Variants in ITGA9 observed in about 807,000 individuals in gnomAD.
ITGA9 encodes integrin alpha-9.
In ITGA9, 56 loss-of-function variants were observed where a neutral mutation model predicts 127.8. The ratio of observed to expected loss-of-function variants is 0.44; its 90% confidence interval spans 0.35 to 0.55. The LOEUF (loss-of-function observed/expected upper bound fraction) is 0.55, where lower values mean the gene tolerates loss of function less well. Ranked by LOEUF, ITGA9 falls within the 20% of genes least tolerant of loss-of-function variation. The pLI is 0.00. For synonymous variants in ITGA9, 508 were observed against 514.5 expected (o/e 0.99, Z 0.17); for missense variants, 1,196 against 1,347.1 (o/e 0.89, Z 1.76).
chr3:37,657,750 G>A (rs767572587), intron 17 of ITGA9, among the ~76,000 whole-genome samples: 1 of 150,540 alleles, frequency 6.6e-6, no homozygotes, highest in Non-Finnish European at 1.5e-5. Context: ...GAATTTGTTT[G>A]CTCTTACTTC....
chr3:37,585,286 T>G (rs1044481387), intron 15 of ITGA9, among the ~76,000 whole-genome samples: 1 of 152,140 alleles, frequency 6.6e-6, no homozygotes, highest in Non-Finnish European at 1.5e-5. Context: ...GCTCAATAAG[T>G]GCATGGTTGA....
chr3:37,513,961 C>G, intron 9 of ITGA9, 61 bp downstream of exon 9: 1 of 1,604,074 alleles, frequency 6.2e-7, no homozygotes, highest in Non-Finnish European at 8.5e-7. Context: ...GTCCAGCCAG[C>G]AGTGGCCGAG....
intron 13 of ITGA9, among the ~76,000 whole-genome samples, chr3:37,531,818 T>C (rs1375418170): frequency 6.6e-6 from 1 of 152,226 alleles, no homozygotes; most frequent in Non-Finnish European, 1.5e-5. Context: ...TGCAGGGTGC[T>C]GCAGGATGGT....
chr3:37,818,191 TAAAAAAAAAAAA>T (rs748381488), intron 27 of ITGA9: 7 of 31,970 alleles, frequency 2.2e-4, no homozygotes, highest in Non-Finnish European at 4.5e-4. Flanking sequence ...TAAGACTCTC[TAAAAAAAAAAAA>T]AAAAAAAAAA....
chr3:37,495,389 T>C (rs1309118797), intron 5 of ITGA9, among the ~76,000 whole-genome samples: 1 of 152,238 alleles, frequency 6.6e-6, no homozygotes, highest in Non-Finnish European at 1.5e-5. Context: ...ACTGTTTTCT[T>C]GTGTCATTCT....
chr3:37,657,787 G>C (rs781577972), intron 17 of ITGA9, among the ~76,000 whole-genome samples: 3 of 151,704 alleles, frequency 2.0e-5, no homozygotes. Context: ...ATGAAGTTAG[G>C]GTGTCAATTT....
intron 18 of ITGA9, among the ~76,000 whole-genome samples, chr3:37,712,840 G>A (rs553459002): frequency 6.6e-6 from 1 of 152,310 alleles, no homozygotes; most frequent in African/African-American, 2.4e-5. Flanking sequence ...GGTGGAGTGG[G>A]GAGGGGATGG....
intron 23 of ITGA9, among the ~76,000 whole-genome samples, chr3:37,764,096 A>G (rs1432960902): frequency 6.6e-6 from 1 of 152,124 alleles, no homozygotes; most frequent in Non-Finnish European, 1.5e-5. Flanking sequence ...ACTATCCACA[A>G]TTCTCCATGC....
At chr3:37,677,874 T>C (rs978777776) in intron 17 of ITGA9, among the ~76,000 whole-genome samples, 5 of 152,260 alleles carry the variant, frequency 3.3e-5, no homozygotes, top group African/African-American at 7.2e-5. Flanking sequence ...ATTTGCATCA[T>C]TGATTTTATG....
chr3:37,454,759 C>T (rs892908818), intron 1 of ITGA9, among the ~76,000 whole-genome samples: 1 of 152,078 alleles, frequency 6.6e-6, no homozygotes, highest in South Asian at 2.1e-4. Flanking sequence ...TGTTCTCATG[C>T]TGTTGTTTTC....
intron 20 of ITGA9, among the ~76,000 whole-genome samples, chr3:37,738,134 T>C (rs1186111789): frequency 6.6e-6 from 1 of 152,262 alleles, no homozygotes; most frequent in East Asian, 1.9e-4. Context: ...ACTTGGTTAT[T>C]TTCTATTGAC....
chr3:37,517,427 G>T, intron 9 of ITGA9, 77 bp from the exon 10 acceptor site: 1 of 1,187,846 alleles, frequency 8.4e-7, no homozygotes. Flanking sequence ...TCAAACTCTG[G>T]TTTTTTATTG....
At chr3:37,546,222 ATTGT>A (rs1699325154) in intron 15 of ITGA9, among the ~76,000 whole-genome samples, 1 of 152,170 alleles carries the variant, frequency 6.6e-6, no homozygotes, top group African/African-American at 2.4e-5. Flanking sequence ...GCTGGATTTC[ATTGT>A]TTGTCAAAGT....
intron 17 of ITGA9, among the ~76,000 whole-genome samples, chr3:37,674,146 G>C (rs939573976): frequency 1.3e-5 from 2 of 152,168 alleles, no homozygotes; most frequent in Admixed American, 1.3e-4. Flanking sequence ...ATTATTTGGC[G>C]TAGATTATTA....
chr3:37,769,640 G>C (rs944051598), intron 23 of ITGA9, among the ~76,000 whole-genome samples: 3 of 152,162 alleles, frequency 2.0e-5, no homozygotes, highest in African/African-American at 4.8e-5. Context: ...CTAGACTCCA[G>C]TCTCAAGTTT....
chr3:37,588,672 G>T (rs1211315298), intron 15 of ITGA9, among the ~76,000 whole-genome samples: 2 of 152,190 alleles, frequency 1.3e-5, no homozygotes, highest in African/African-American at 2.4e-5. Context: ...TGAGAATGGG[G>T]TTCAGAGTAA....
At chr3:37,512,003 CTTTTCTTTTCTTTTCT>C in intron 8 of ITGA9, among the ~76,000 whole-genome samples, 1 of 36,214 alleles carries the variant, frequency 2.8e-5, no homozygotes, top group Middle Eastern at 0.01. Flanking sequence ...CTTTTCTTTT[CTTTTCTTTTCTTTTCT>C]TTTCTTTTCT....
intron 2 of ITGA9, among the ~76,000 whole-genome samples, chr3:37,472,290 G>T (rs980118128): frequency 1.6e-4 from 24 of 152,218 alleles, no homozygotes; most frequent in African/African-American, 5.3e-4. Context: ...ACAGAACTGT[G>T]CTTGGCACAT....
chr3:37,695,202 C>T (rs1467401061), intron 18 of ITGA9, among the ~76,000 whole-genome samples: 2 of 152,112 alleles, frequency 1.3e-5, no homozygotes, highest in Non-Finnish European at 2.9e-5. Flanking sequence ...GCACTTTCCA[C>T]CCAGGGGTGA....
Sources: gnomAD v4.1 joint callset for allele counts (sites outside exome capture counted in the v4.1 genomes callset) on GRCh38, gnomAD v4.1.1 for gene constraint, MANE v1.5 for transcripts, NCBI Gene and HGNC (gene_info 2026-07-23, HGNC 2026-07-21) for gene names.